Variants in PSMD14 observed in about 807,000 individuals in gnomAD.
PSMD14 encodes proteasome 26S subunit, non-ATPase 14, also known as ubiquitin C-terminal hydrolase PSMD14.
In PSMD14, 7 loss-of-function variants were observed where a neutral mutation model predicts 41.2. That is an observed-to-expected ratio of 0.17 (90% confidence interval 0.10 to 0.32). The LOEUF (loss-of-function observed/expected upper bound fraction) is 0.32, where lower values mean the gene tolerates loss of function less well. Ranked by LOEUF, PSMD14 falls within the 10% of genes least tolerant of loss-of-function variation. The pLI, the probability that PSMD14 is intolerant of heterozygous loss-of-function variation, is 1.00. For synonymous variants in PSMD14, 114 were observed against 122.3 expected, an observed-to-expected ratio of 0.93 and a Z score of 0.45; for missense variants, 139 against 375.6, an observed-to-expected ratio of 0.37 and a Z score of 5.21.
rs369674882 is a variant in PSMD14, at chr2:161,327,946, CTG to C, written c.48+9110_48+9111del. On this transcript the variant is annotated intron_variant, in intron 3 of 11. Transcript: ENST00000409682. ...GGGGAAGCAGGAATTCTCATGTAAG[CTG>C]TGTGTGTGTGTGTGTGTGTGTGTGT... is the stretch of plus-strand genomic sequence containing the variant. Among the ~76,000 whole-genome samples the C allele has an allele frequency of 1.8e-3, 213 of 117,168 alleles. 2 individuals are homozygous for C. Among genetic ancestry groups the C allele is most frequent in the Non-Finnish European group, 2.5e-3 (141 of 56,934 alleles). The allele number at this position is 117,168 out of a possible 152,430, so 76.9% of individuals were successfully genotyped here.
intron 3 of PSMD14, among the ~76,000 whole-genome samples, chr2:161,332,674 C>T (rs914424455): frequency 1.3e-5 from 2 of 152,084 alleles, no homozygotes; most frequent in Non-Finnish European, 2.9e-5. Flanking sequence ...ACCTTTTTCT[C>T]CTTTTGCAGT....
intron 10 of PSMD14, among the ~76,000 whole-genome samples, chr2:161,397,030 T>C (rs922998128): frequency 6.6e-6 from 1 of 152,174 alleles, no homozygotes; most frequent in Admixed American, 6.5e-5. Flanking sequence ...GGTTTCACCA[T>C]GTTGGCCATG....
chr2:161,376,574 C>G (rs1417878557), intron 7 of PSMD14, among the ~76,000 whole-genome samples: 1 of 151,780 alleles, frequency 6.6e-6, no homozygotes, highest in Non-Finnish European at 1.5e-5. Flanking sequence ...TTTGTGCATG[C>G]TAACTAATCT....
At chr2:161,325,258 C>G (rs1338571753) in intron 3 of PSMD14, among the ~76,000 whole-genome samples, 1 of 151,996 alleles carries the variant, frequency 6.6e-6, no homozygotes, top group Non-Finnish European at 1.5e-5. Flanking sequence ...CAGAAGGCTT[C>G]CTGAATGTGG....
chr2:161,389,771 T>C, intron 8 of PSMD14, among the ~76,000 whole-genome samples: 1 of 151,806 alleles, frequency 6.6e-6, no homozygotes, highest in Non-Finnish European at 1.5e-5. Flanking sequence ...CATAGTATGT[T>C]AGAAAGAACA....
intron 7 of PSMD14, chr2:161,382,794 A>T (rs1456332648): frequency 1.3e-5 from 2 of 151,840 alleles, no homozygotes; most frequent in African/African-American, 2.4e-5. Context: ...AAACTGAACT[A>T]ATTTAATGTC....
intron 3 of PSMD14, among the ~76,000 whole-genome samples, chr2:161,341,945 G>A (rs903286388): frequency 4.6e-5 from 7 of 151,002 alleles, no homozygotes; most frequent in Non-Finnish European, 4.4e-5. Flanking sequence ...CTAACCCAAT[G>A]TCACAAACAT....
chr2:161,369,073 C>T (rs1683397699), intron 5 of PSMD14, among the ~76,000 whole-genome samples: 1 of 151,824 alleles, frequency 6.6e-6, no homozygotes, highest in East Asian at 1.9e-4. Context: ...CTATTTATTA[C>T]TTGTATCTGT....
At chr2:161,318,070 C>T (rs1689164504) in intron 2 of PSMD14, among the ~76,000 whole-genome samples, 1 of 152,086 alleles carries the variant, frequency 6.6e-6, no homozygotes, top group Non-Finnish European at 1.5e-5. Flanking sequence ...AACGTTAAAA[C>T]TAAATCAGAT....
At chr2:161,381,757 C>G (rs1272587830) in intron 7 of PSMD14, 3 of 151,832 alleles carry the variant, frequency 2.0e-5, no homozygotes, top group African/African-American at 7.2e-5. Context: ...ATGATAGATC[C>G]TTGACCCTTG....
chr2:161,363,823 C>T (rs1683323369), intron 3 of PSMD14, among the ~76,000 whole-genome samples: 1 of 152,214 alleles, frequency 6.6e-6, no homozygotes, highest in East Asian at 1.9e-4. Flanking sequence ...CTTTGGGGCT[C>T]TGACCCCACA....
At chr2:161,313,354 AT>A (rs1689111073) in intron 1 of PSMD14, among the ~76,000 whole-genome samples, 2 of 152,062 alleles carry the variant, frequency 1.3e-5, no homozygotes, top group African/African-American at 4.8e-5. Context: ...TAATTAATTA[AT>A]TTATTTATTT....
intron 1 of PSMD14, among the ~76,000 whole-genome samples, chr2:161,309,820 G>GA: frequency 6.7e-6 from 1 of 149,532 alleles, no homozygotes; most frequent in Middle Eastern, 3.4e-3. Context: ...TTGGTTTTTT[G>GA]TTTTTTTTTC....
chr2:161,320,669 A>G (rs1682561622), intron 3 of PSMD14, among the ~76,000 whole-genome samples: 1 of 152,084 alleles, frequency 6.6e-6, no homozygotes, highest in Non-Finnish European at 1.5e-5. Context: ...CTTTTGTAAC[A>G]TGAAACGTTA....
At chr2:161,378,543 T>A (rs1211555964) in intron 7 of PSMD14, among the ~76,000 whole-genome samples, 1 of 151,990 alleles carries the variant, frequency 6.6e-6, no homozygotes, top group East Asian at 1.9e-4. Context: ...TGCACTGTAT[T>A]TTGTGTGCCA....
chr2:161,341,681 T>C (rs1320137803), intron 3 of PSMD14, among the ~76,000 whole-genome samples: 2 of 151,048 alleles, frequency 1.3e-5, no homozygotes, highest in Non-Finnish European at 3.0e-5. Context: ...CTACTAAAAA[T>C]ACAAAAAATG....
intron 3 of PSMD14, among the ~76,000 whole-genome samples, chr2:161,332,234 G>T (rs1228705913): frequency 1.3e-5 from 2 of 152,148 alleles, no homozygotes; most frequent in Non-Finnish European, 2.9e-5. Flanking sequence ...CTATGATAAT[G>T]TGAATCTTCA....
At chr2:161,369,683 T>C (rs1423480445) in intron 5 of PSMD14, among the ~76,000 whole-genome samples, 1 of 152,130 alleles carries the variant, frequency 6.6e-6, no homozygotes, top group Non-Finnish European at 1.5e-5. Flanking sequence ...AATAATGCTG[T>C]ATGTAAGAGA....
intron 3 of PSMD14, among the ~76,000 whole-genome samples, chr2:161,360,476 C>T (rs1683275711): frequency 6.6e-6 from 1 of 152,040 alleles, no homozygotes; most frequent in African/African-American, 2.4e-5. Flanking sequence ...CTGCCTCAGC[C>T]TCCAAGTAGC....
Sources: gnomAD v4.1 joint callset for allele counts (sites outside exome capture counted in the v4.1 genomes callset) on GRCh38, gnomAD v4.1.1 for gene constraint, MANE v1.5 for transcripts, NCBI Gene and HGNC (gene_info 2026-07-23, HGNC 2026-07-21) for gene names.